Variants in FAM135A observed in about 807,000 individuals in gnomAD.
FAM135A encodes the protein family with sequence similarity 135 member A, also known as protein FAM135A.
Under a neutral mutation model 146.8 loss-of-function variants are expected in FAM135A, and 79 were observed. The observed-to-expected ratio is 0.54, with a 90% CI of 0.45 to 0.65. The LOEUF (loss-of-function observed/expected upper bound fraction) is 0.65, where lower values mean the gene tolerates loss of function less well. Among genes scored for constraint, FAM135A ranks in the 30% least tolerant of loss-of-function variants. The pLI is 0.00. For synonymous variants in FAM135A, 562 were observed against 603.6 expected, an observed-to-expected ratio of 0.93 and a Z score of 1.01; for missense variants, 1,623 against 1,758.2, an observed-to-expected ratio of 0.92 and a Z score of 1.38.
At chr6:70,558,930 G>A (rs998980958) in intron 21 of FAM135A, among the ~76,000 whole-genome samples, 2 of 152,216 alleles carry the variant, frequency 1.3e-5, no homozygotes, top group Non-Finnish European at 2.9e-5. Context: ...TTGTTCATCT[G>A]ACTATAGGAG....
intron 19 of FAM135A, among the ~76,000 whole-genome samples, chr6:70,538,053 A>G (rs1797105918): frequency 6.6e-6 from 1 of 152,240 alleles, no homozygotes; most frequent in African/African-American, 2.4e-5. Context: ...TACTGAATGA[A>G]ATAGAAATAG....
At chr6:70,501,679 A>G (rs552940372) in intron 11 of FAM135A, among the ~76,000 whole-genome samples, 16 of 152,346 alleles carry the variant, frequency 1.1e-4, no homozygotes, top group African/African-American at 3.4e-4. Flanking sequence ...GGGAAAGCAT[A>G]GTGATCTGAC....
At chr6:70,510,552 C>A (rs990640413) in intron 12 of FAM135A, among the ~76,000 whole-genome samples, 2 of 152,078 alleles carry the variant, frequency 1.3e-5, no homozygotes, top group Admixed American at 6.6e-5. Context: ...TGGTTTCTTT[C>A]ACTTAGAATA....
At chr6:70,493,845 G>A (rs1786604147) in intron 11 of FAM135A, among the ~76,000 whole-genome samples, 1 of 152,126 alleles carries the variant, frequency 6.6e-6, no homozygotes, top group African/African-American at 2.4e-5. Flanking sequence ...CTGAGGTCAG[G>A]AGTTGGAGAC....
intron 4 of FAM135A, among the ~76,000 whole-genome samples, chr6:70,434,365 A>T (rs1266202773): frequency 6.6e-6 from 1 of 152,174 alleles, no homozygotes; most frequent in African/African-American, 2.4e-5. Flanking sequence ...AAAATTGTTG[A>T]AGTATCTTTT....
At chr6:70,513,225 G>C (rs748805534) in intron 12 of FAM135A, 1 of 151,316 alleles carries the variant, frequency 6.6e-6, no homozygotes, top group African/African-American at 2.4e-5. Flanking sequence ...AGTCCTCCAA[G>C]GTTTTCTTCT....
chr6:70,416,300 T>A (rs569205377), intron 2 of FAM135A, among the ~76,000 whole-genome samples: 4 of 152,358 alleles, frequency 2.6e-5, no homozygotes, highest in African/African-American at 9.6e-5. Flanking sequence ...CAGATATTCC[T>A]TTTGTTTGCC....
At position 70,526,500 on chromosome 6, in the gene FAM135A, G is replaced by T; in HGVS notation, c.3416G>T (p.Arg1139Ile). ...KSEKINSDYL[R>I]DGINMPTVCT... ...GAAAAAATAAACAGTGACTATCTGA[G>T]AGATGGTATAAACATGCCTACTGTC... Residue 1139 changes from arginine (R) to isoleucine (I), a missense_variant, in exon 15 of 22, where the codon AGA (arginine) becomes ATA (isoleucine). By Grantham distance (97) the Arg-to-Ile change is moderately conservative. Around this residue, in one of 7 missense-constraint regions of FAM135A, gnomAD observed 1,061 missense variants for 1,113.8 expected, o/e 0.95. Transcript: ENST00000418814. 1 of 1,613,566 alleles carries T rather than the reference G, an allele frequency of 6.2e-7. No homozygotes were observed. The highest frequency in any genetic ancestry group is 1.1e-5 in the South Asian group (1 of 91,054).
At chr6:70,414,415 A>C (rs1013275993) in intron 1 of FAM135A, among the ~76,000 whole-genome samples, 16 of 151,758 alleles carry the variant, frequency 1.1e-4, no homozygotes, top group African/African-American at 3.9e-4. Flanking sequence ...ACCCTGCTTC[A>C]TCGCTTTCTG....
intron 13 of FAM135A, among the ~76,000 whole-genome samples, chr6:70,523,743 TA>T (rs769891617): frequency 2.0e-5 from 3 of 152,160 alleles, no homozygotes; most frequent in Non-Finnish European, 4.4e-5. Context: ...ATTACATAAA[TA>T]ATTAGCAGTC....
rs1012789237 is a variant in FAM135A, at chr6:70,414,075, T to C, written c.-220+373T>C. 24 of 983,164 alleles carry C rather than the reference T, an allele frequency of 2.4e-5. No homozygotes were observed. In the African/African-American group the frequency reaches 4.0e-4, roughly 16 times the overall value. 60.9% of individuals were successfully genotyped at this position (983,164 alleles called of 1,614,324 possible). On this transcript the variant is annotated intron_variant, in intron 1 of 21. Transcript: ENST00000418814. ...GTCCCTCCTTTACCCGCTTTCGTGG[T>C]TCTGCTTTTTCATCCCGCGCCTCCC... is the stretch of plus-strand genomic sequence containing the variant.
intron 20 of FAM135A, 45 bp downstream of exon 20, chr6:70,538,446 T>A: frequency 8.9e-7 from 1 of 1,122,988 alleles, no homozygotes; most frequent in Non-Finnish European, 1.2e-6. Flanking sequence ...GTGAAAACTT[T>A]TTAAAAAATA....
Position 70,524,132 on chromosome 6 carries a change from TC to T in FAM135A, c.1258+12del, listed in dbSNP as rs1794194372. ...ATTCAGTTACTGAAGGTAAGTGTAA[TC>T]TAACTAAAATATACAAGCTATGTGT... On this transcript the variant is annotated intron_variant, in intron 14 of 21. Transcript: ENST00000418814. The T allele has an allele frequency of 6.2e-7, 1 of 1,601,008 alleles. No individual in the cohort carries two copies. Among genetic ancestry groups the T allele is most frequent in the Admixed American group, 1.7e-5 (1 of 58,016 alleles).
At chr6:70,427,384 T>C (rs1322581207) in intron 3 of FAM135A, among the ~76,000 whole-genome samples, 4 of 151,982 alleles carry the variant, frequency 2.6e-5, no homozygotes, top group Non-Finnish European at 5.9e-5. Flanking sequence ...ATACAAAAAT[T>C]AGCTGAGCAT....
chr6:70,491,576 G>A (rs1036639423), intron 11 of FAM135A, among the ~76,000 whole-genome samples: 2 of 151,636 alleles, frequency 1.3e-5, no homozygotes, highest in African/African-American at 4.8e-5. Context: ...TTCACTCTTG[G>A]TCAGCTACAT....
intron 5 of FAM135A, among the ~76,000 whole-genome samples, chr6:70,468,346 A>G (rs1211245051): frequency 6.6e-6 from 1 of 152,190 alleles, no homozygotes; most frequent in African/African-American, 2.4e-5. Context: ...CTACTTTCCA[A>G]TATAATGGAC....
intron 7 of FAM135A, among the ~76,000 whole-genome samples, chr6:70,476,743 C>T (rs1204950924): frequency 6.6e-6 from 1 of 151,934 alleles, no homozygotes; most frequent in East Asian, 1.9e-4. Flanking sequence ...TTGAGTAGCA[C>T]TTAATAAAAT....
chr6:70,536,149 T>TA (rs1467082965), intron 18 of FAM135A, 111 bp from the exon 19 acceptor site: 2 of 1,006,358 alleles, frequency 2.0e-6, no homozygotes, highest in East Asian at 5.3e-5. Flanking sequence ...TTTTACAACA[T>TA]TAGAAATTTT....
Position 70,523,954 on chromosome 6 carries a change from A to T in FAM135A, c.1104-13A>T, listed in dbSNP as rs762185326. The stretch of plus-strand genomic sequence containing the variant: ...TTTCTAAATTACAATCTGACTGAAG[A>T]AATATTTTTCAGTGCTCAGAGTCAT... On this transcript the variant is annotated splice_polypyrimidine_tract_variant and intron_variant, in intron 13 of 21. Coordinates refer to ENST00000418814, the MANE Select transcript of FAM135A (RefSeq NM_001162529.3). The T allele has an allele frequency of 1.3e-6, 2 of 1,592,530 alleles. No homozygotes were observed. Among genetic ancestry groups the T allele is most frequent in the Admixed American group, 1.9e-5 (1 of 52,912 alleles).
Sources: gnomAD v4.1 joint callset for allele counts (sites outside exome capture counted in the v4.1 genomes callset) on GRCh38, gnomAD v4.1.1 for gene constraint, gnomAD v4.1.1 regional missense constraint, MANE v1.5 for transcripts, NCBI Gene and HGNC (gene_info 2026-07-23, HGNC 2026-07-21) for gene names.